Variants in ACIN1 observed in about 807,000 individuals in gnomAD.
The protein encoded by ACIN1 is apoptotic chromatin condensation inducer 1.
A neutral mutation model predicts 146.6 loss-of-function variants in ACIN1; 16 were observed. That is an observed-to-expected ratio of 0.11 (90% CI 0.07 to 0.17). The LOEUF is 0.17. Ranked by LOEUF, ACIN1 falls within the 10% of genes least tolerant of loss-of-function variation. The pLI, the probability that ACIN1 is intolerant of heterozygous loss-of-function variation, is 1.00. For missense variants in ACIN1, 1,357 were observed against 1,609.3 expected, an observed-to-expected ratio of 0.84 and a Z score of 2.68; for synonymous variants, 569 against 582.7, an observed-to-expected ratio of 0.98 and a Z score of 0.34.
Position 23,081,822 on chromosome 14 carries a change from T to C in ACIN1, c.451A>G (p.Ile151Val), listed in dbSNP as rs867744416. 4.3e-6 allele frequency: 7 copies of C among 1,611,304 alleles called. No individual in the cohort carries two copies. The highest frequency in any genetic ancestry group is 1.1e-5 in the South Asian group (1 of 90,702). ...TCAGAGTCACCTTTCTCTTCAGAAATTGAGGAGCTTTTTCCTATTGAATGA... is the reference window on the plus strand; with the variant it reads ...TCAGAGTCACCTTTCTCTTCAGAAACTGAGGAGCTTTTTCCTATTGAATGA... ...SRHSPRKSSS[I>V]SEEKGDSDDE... The change falls in exon 5 of 19, where the codon ATT becomes GTT. Residue 151 changes from isoleucine (I) to valine (V), a missense_variant. Around this residue, in one of 4 missense-constraint regions of ACIN1, gnomAD observed 771 missense variants for 746.6 expected, o/e 1.03. Coordinates refer to ENST00000605057, the MANE Select transcript of ACIN1 (RefSeq NM_001386863.1).
chr14:23,090,545 G>A lies in ACIN1; in HGVS notation c.293C>T (p.Ala98Val). Residue 98 changes from alanine (A) to valine (V), a missense_variant, in exon 3 of 19, where the codon GCT becomes GTT. Ala to Val is a moderately conservative substitution (Grantham distance 64). Coordinates refer to ENST00000605057, the MANE Select transcript of ACIN1 (RefSeq NM_001386863.1). ...ELLRQRLERE[A>V]REAAELEEAS... ...ACCTTCAAGTTCTGCAGCTTCTCGA[G>A]CTTCACGTTCCAGACGCTGCCTAAG... is the stretch of plus-strand genomic sequence containing the variant. 6.2e-7 allele frequency: 1 copy of A among 1,614,010 alleles called. No individual in the cohort carries two copies. Among genetic ancestry groups the A allele is most frequent in the Non-Finnish European group, 8.5e-7 (1 of 1,179,894 alleles).
In ACIN1 at chr14:23,059,066, G is replaced by C; in HGVS notation, c.*82C>G. 1 of 1,342,324 alleles carries C rather than the reference G, an allele frequency of 7.4e-7. No homozygotes were observed. Among genetic ancestry groups the C allele is most frequent in the South Asian group, 1.3e-5 (1 of 79,070 alleles). 83.2% of individuals were successfully genotyped at this position (1,342,324 alleles called of 1,614,324 possible). ...TGTGAAAGACCCTTGGCTCCAGGGT[G>C]GTGGAGACTGTGCCTATCCCTCTGT... On this transcript the variant is annotated 3_prime_UTR_variant, in exon 19 of 19. Transcript: ENST00000605057.
At chr14:23,072,744 C>T (rs148448706) in intron 8 of ACIN1, among the ~76,000 whole-genome samples, 1 of 152,220 alleles carries the variant, frequency 6.6e-6, no homozygotes, top group Non-Finnish European at 1.5e-5. Context: ...CTTACACTTA[C>T]AATGCCAACT....
At chr14:23,081,146 T>C (rs1170583932) in intron 5 of ACIN1, among the ~76,000 whole-genome samples, 1 of 152,140 alleles carries the variant, frequency 6.6e-6, no homozygotes, top group Non-Finnish European at 1.5e-5. Flanking sequence ...TACTATCAAT[T>C]AATACGATTA....
upstream of ACIN1, chr14:23,095,439 T>C: frequency 9.0e-7 from 1 of 1,109,998 alleles, no homozygotes; most frequent in Middle Eastern, 2.1e-4. Context: ...GTTCGTTTAT[T>C]TCCGGACCTA....
At chr14:23,063,157 T>C (rs1346143462) in intron 13 of ACIN1, 83 bp from the exon 14 acceptor site, 15 of 1,433,286 alleles carry the variant, frequency 1.0e-5, no homozygotes, top group Non-Finnish European at 1.3e-5. Flanking sequence ...CACGGTTCCC[T>C]TTCTTTTATA....
intron 8 of ACIN1, among the ~76,000 whole-genome samples, chr14:23,070,058 A>G (rs1346307471): frequency 6.6e-6 from 1 of 152,158 alleles, no homozygotes; most frequent in Non-Finnish European, 1.5e-5. Flanking sequence ...AAACGAAGGG[A>G]AGCCCGATTC....
intron 8 of ACIN1, chr14:23,071,594 G>T: frequency 6.5e-6 from 10 of 1,533,658 alleles, no homozygotes; most frequent in African/African-American, 1.4e-5. Flanking sequence ...GCGGATGGGG[G>T]AGGGCCTTGC....
Position 23,064,608 on chromosome 14 carries a change from A to T in ACIN1, c.2309-120T>A, listed in dbSNP as rs565102058. On this transcript the variant is annotated intron_variant, in intron 10 of 18. Coordinates refer to ENST00000605057, the MANE Select transcript of ACIN1 (RefSeq NM_001386863.1). ...GGTAAAAGGTTAACTTAAAGAAATC[A>T]TATTTGGAGGCTGAGTGTGGTGGCT... 4 of 1,397,642 alleles carry T rather than the reference A, an allele frequency of 2.9e-6. No individual in the cohort carries two copies. In the Admixed American group the frequency reaches 8.5e-5, roughly 30 times the overall value. The allele number at this position is 1,397,642 out of a possible 1,614,324, so 86.6% of individuals were successfully genotyped here.
In ACIN1 at chr14:23,068,869, T is replaced by A; in HGVS notation, c.2265+607A>T. On this transcript the variant is annotated intron_variant, in intron 9 of 18. Transcript: ENST00000605057. The surrounding 1 kb of genome is among the most constrained non-coding windows in gnomAD (Gnocchi z 4.3). ...ACTTTAAGAGCCAAGAAGACTTCGCTGGCTCTGATGGGGGAAGCCCCCTGA... is the reference window on the plus strand; with the variant it reads ...ACTTTAAGAGCCAAGAAGACTTCGCAGGCTCTGATGGGGGAAGCCCCCTGA... 2.0e-6 allele frequency: 2 copies of A among 985,422 alleles called. No homozygotes were observed. The highest frequency in any genetic ancestry group is 2.4e-6 in the Non-Finnish European group (2 of 829,938). 61.0% of individuals were successfully genotyped at this position (985,422 alleles called of 1,614,324 possible).
Position 23,068,479 on chromosome 14 carries a change from A to G in ACIN1, c.2265+997T>C. On this transcript the variant is annotated intron_variant, in intron 9 of 18. Transcript: ENST00000605057. The surrounding 1 kb of genome is among the most constrained non-coding windows in gnomAD (Gnocchi z 4.3). ...TTCTTGGCCCCCTGATGTAAGCAAG[A>G]CAGGGAGGCAAAAGGGGGCCCATCA... The G allele has an allele frequency of 1.0e-6, 1 of 985,882 alleles. No homozygotes were observed. 61.1% of individuals were successfully genotyped at this position (985,882 alleles called of 1,614,324 possible).
At chr14:23,071,688 G>C in intron 8 of ACIN1, 1 of 898,476 alleles carries the variant, frequency 1.1e-6, no homozygotes, top group Non-Finnish European at 1.6e-6. Context: ...GGAGCCGACT[G>C]CTGGCTCCAG....
Position 23,067,637 on chromosome 14 carries a change from C to A in ACIN1, c.2266-1629G>T, listed in dbSNP as rs2140045197. 1.0e-6 allele frequency: 1 copy of A among 985,920 alleles called. No individual in the cohort carries two copies. Among genetic ancestry groups the A allele is most frequent in the Admixed American group, 6.1e-5 (1 of 16,286 alleles). 61.1% of individuals were successfully genotyped at this position (985,920 alleles called of 1,614,324 possible). A position where few individuals can be genotyped will look rare whatever the true frequency, so the allele number is the denominator to read the frequency against. On this transcript the variant is annotated intron_variant, in intron 9 of 18. Coordinates refer to ENST00000605057, the MANE Select transcript of ACIN1 (RefSeq NM_001386863.1). The surrounding 1 kb of genome is among the most constrained non-coding windows in gnomAD (Gnocchi z 4.6). The stretch of plus-strand genomic sequence containing the variant: ...ATCAGTCCTGGCCCTGAAGGGACAT[C>A]ATCTTGCAGTCCCTGATGAGATGGC...
Position 23,067,777 on chromosome 14 carries a change from G to A in ACIN1, c.2265+1699C>T, listed in dbSNP as rs2047506051. 12 of 985,924 alleles carry A rather than the reference G, an allele frequency of 1.2e-5. No individual in the cohort carries two copies. In the South Asian group the frequency reaches 3.8e-4, roughly 31 times the overall value. The allele number at this position is 985,924 out of a possible 1,614,324, so 61.1% of individuals were successfully genotyped here. A position where few individuals can be genotyped will look rare whatever the true frequency, so the allele number is the denominator to read the frequency against. On this transcript the variant is annotated intron_variant, in intron 9 of 18. Transcript: ENST00000605057. This position sits in a 1 kb window ranked among gnomAD's most constrained non-coding sequence, Gnocchi z 4.6. ...ACCCAATACTTGGAATCCAGGTGAT[G>A]ACTCCAGAGTCCCTTTCTCCTCTGC...
chr14:23,066,216 GA>G (rs915976649), intron 9 of ACIN1: 3 of 518,632 alleles, frequency 5.8e-6, no homozygotes, highest in Admixed American at 3.6e-5. Flanking sequence ...GCAAGTTAGA[GA>G]AAAAAATAAA....
rs978732473 is a variant in ACIN1 at position 23,063,574 on chromosome 14, C to T, written c.2599G>A (p.Val867Ile). 2.5e-6 allele frequency: 4 copies of T among 1,614,144 alleles called. No individual in the cohort carries two copies. The highest frequency in any genetic ancestry group is 2.5e-6 in the Non-Finnish European group (3 of 1,180,014). Residue 867 changes from valine (V) to isoleucine (I), a missense_variant, in exon 13 of 19, where the codon GTA (valine) becomes ATA (isoleucine). This residue lies in a region of ACIN1 where 509 missense variants were observed against 719.6 expected (regional missense o/e 0.71). Coordinates refer to ENST00000605057, the MANE Select transcript of ACIN1 (RefSeq NM_001386863.1). ...LKICRTVTQV[V>I]PAEGQENGQR... ...CCATTCTCCTGGCCCTCTGCAGGTA[C>T]TACCTATCAAGGTGTCAGAGAACAC...
chr14:23,078,612 G>A (rs1005823458), intron 7 of ACIN1, among the ~76,000 whole-genome samples: 3 of 152,130 alleles, frequency 2.0e-5, no homozygotes, highest in Non-Finnish European at 4.4e-5. Flanking sequence ...TTGACCCTGG[G>A]GGCCCTGGAG....
At chr14:23,071,501 C>T (rs1213203664) in intron 8 of ACIN1, 24 of 1,551,478 alleles carry the variant, frequency 1.5e-5, no homozygotes, top group Admixed American at 3.9e-5. Flanking sequence ...TAGTGGCTGG[C>T]TCTATTGTAT....
chr14:23,069,643 G>T (rs778951362), intron 8 of ACIN1, 26 bp from the exon 9 acceptor site: 14 of 1,249,108 alleles, frequency 1.1e-5, no homozygotes, highest in Non-Finnish European at 1.4e-5. Flanking sequence ...AGTGGTGGTG[G>T]GGGGGCGGGC....
Sources: allele counts gnomAD v4.1 joint callset (sites outside exome capture counted in the v4.1 genomes callset), GRCh38; gene constraint gnomAD v4.1.1; regional missense constraint gnomAD v4.1.1; non-coding constraint Gnocchi (gnomAD v3.1); transcripts MANE v1.5; gene names NCBI Gene and HGNC (gene_info 2026-07-23, HGNC 2026-07-21).